The following CNKSR2 variants were observed in gnomAD, a reference collection of about 807,000 sequenced individuals.
CNKSR2 encodes the protein CNK homolog protein 2.
A neutral mutation model predicts 84.4 loss-of-function variants in CNKSR2; 14 were observed. The observed-to-expected ratio is 0.17, with a 90% confidence interval of 0.11 to 0.26. CNKSR2 has a LOEUF of 0.26. Ranked by LOEUF, CNKSR2 falls within the 10% of genes least tolerant of loss-of-function variation. The pLI is 1.00. For missense variants in CNKSR2, 485 were observed against 771.2 expected (o/e 0.63, Z 4.40); for synonymous variants, 275 against 277.9 (o/e 0.99, Z 0.10).
At chrX:21,424,064 T>G (rs976067051) in intron 1 of CNKSR2, 6 of 111,455 alleles carry the variant, frequency 5.4e-5, no homozygotes, top group African/African-American at 2.0e-4. Flanking sequence ...GCCTGTGAGT[T>G]ACTTACTGTG....
At chrX:21,612,413 C>T (rs760676109) in intron 20 of CNKSR2, among the ~76,000 whole-genome samples, 1 of 112,433 alleles carries the variant, frequency 8.9e-6, no homozygotes, top group African/African-American at 3.2e-5. Context: ...CAGTGTGTTA[C>T]TTACTGTCCT....
chrX:21,419,994 C>T (rs1338294714), intron 1 of CNKSR2, among the ~76,000 whole-genome samples: 1 of 112,548 alleles, frequency 8.9e-6, no homozygotes, highest in Non-Finnish European at 1.9e-5. Context: ...GCAATTTCCC[C>T]CAGGCCCTGG....
In CNKSR2 at chrX:21,573,317, G is replaced by A. The variant is rs1042969941; in HGVS notation, c.1608+9865G>A. Among the ~76,000 whole-genome samples, 5 of 112,013 alleles carry A rather than the reference G, an allele frequency of 4.5e-5. No homozygotes were observed. The East Asian group carries it at 8.5e-4, about 19-fold the overall frequency. On this transcript the variant is annotated intron_variant, in intron 13 of 21. Transcript: ENST00000379510. ...TTCCAGGAGCACAGTGCAAGCTGTT[G>A]GTAGATCTACCATTCTGGGGTCTGT...
intron 11 of CNKSR2, chrX:21,537,980 T>C (rs1316752819): frequency 9.0e-6 from 1 of 111,419 alleles, no homozygotes; most frequent in Non-Finnish European, 1.9e-5. Context: ...TCTGTAGTGA[T>C]AAGGTTTGAT....
chrX:21,427,787 A>G (rs930317260), intron 2 of CNKSR2: 2 of 112,662 alleles, frequency 1.8e-5, no homozygotes, highest in African/African-American at 6.4e-5. Context: ...AAGAAAGACA[A>G]TAGCCATCAG....
chrX:21,609,661 C>A, intron 20 of CNKSR2, 44 bp downstream of exon 20: 1 of 1,115,500 alleles, frequency 9.0e-7, no homozygotes, highest in Non-Finnish European at 1.2e-6. Flanking sequence ...ACACAAAGTC[C>A]TGACCTTTTC....
intron 2 of CNKSR2, 49 bp from the exon 3 acceptor site, chrX:21,432,563 A>G: frequency 1.1e-6 from 1 of 889,745 alleles, no homozygotes; most frequent in Non-Finnish European, 1.6e-6. Flanking sequence ...ATTTTCATGA[A>G]TGAATAAAAC....
chrX:21,630,330 G>A (rs2092642152), intron 20 of CNKSR2, among the ~76,000 whole-genome samples: 1 of 112,234 alleles, frequency 8.9e-6, no homozygotes, highest in South Asian at 3.7e-4. Flanking sequence ...CACCTATAGT[G>A]TGATGCAGTT....
chrX:21,487,203 C>T (rs1412783392), intron 5 of CNKSR2, among the ~76,000 whole-genome samples: 1 of 111,806 alleles, frequency 8.9e-6, no homozygotes, highest in East Asian at 2.8e-4. Flanking sequence ...AACAAAATTA[C>T]TCAAGAGGAA....
intron 5 of CNKSR2, among the ~76,000 whole-genome samples, chrX:21,481,358 C>G (rs1167889454): frequency 6.3e-5 from 7 of 111,543 alleles, no homozygotes. Flanking sequence ...CTGTAGATGA[C>G]CTCGAAATCT....
At chrX:21,625,309 T>C (rs372970769) in intron 20 of CNKSR2, among the ~76,000 whole-genome samples, 60 of 112,170 alleles carry the variant, frequency 5.3e-4, no homozygotes, top group African/African-American at 1.6e-3. Context: ...ATCATATTTA[T>C]TTTGCCTGAT....
intron 1 of CNKSR2, among the ~76,000 whole-genome samples, chrX:21,383,396 C>A (rs1261698959): frequency 8.9e-6 from 1 of 112,568 alleles, no homozygotes; most frequent in East Asian, 2.8e-4. Flanking sequence ...TTTTAGCTCT[C>A]TTTGTTCATC....
chrX:21,539,747 C>T (rs2091960688), intron 11 of CNKSR2, among the ~76,000 whole-genome samples: 1 of 110,842 alleles, frequency 9.0e-6, no homozygotes, highest in Non-Finnish European at 1.9e-5. Flanking sequence ...GTGTAATCTC[C>T]ATATGATATC....
At chrX:21,453,307 G>A (rs2147110093) in intron 4 of CNKSR2, among the ~76,000 whole-genome samples, 1 of 111,688 alleles carries the variant, frequency 9.0e-6, no homozygotes, top group African/African-American at 3.2e-5. Context: ...ATACATATAT[G>A]CAGAAACAAT....
intron 20 of CNKSR2, among the ~76,000 whole-genome samples, chrX:21,617,819 C>T (rs1394656755): frequency 9.1e-6 from 1 of 110,189 alleles, no homozygotes; most frequent in Non-Finnish European, 1.9e-5. Flanking sequence ...AGCAGTTGAC[C>T]TTTTCAAAAA....
chrX:21,383,869 TGTTA>T (rs1364629757), intron 1 of CNKSR2, among the ~76,000 whole-genome samples: 12 of 111,922 alleles, frequency 1.1e-4, no homozygotes, highest in African/African-American at 3.2e-4. Flanking sequence ...TCTAGTAACT[TGTTA>T]GTTATACTTA....
chrX:21,411,157 A>G (rs924403374), intron 1 of CNKSR2, among the ~76,000 whole-genome samples: 1 of 110,843 alleles, frequency 9.0e-6, no homozygotes, highest in African/African-American at 3.3e-5. Context: ...TTTTTTCTGG[A>G]ATTACCACTT....
intron 20 of CNKSR2, among the ~76,000 whole-genome samples, chrX:21,619,128 A>G (rs1424486091): frequency 8.9e-6 from 1 of 112,459 alleles, no homozygotes; most frequent in African/African-American, 3.2e-5. Context: ...TTAAAGAGCT[A>G]TTTCTGATTC....
chrX:21,582,491 G>A (rs2092359637), intron 13 of CNKSR2, among the ~76,000 whole-genome samples: 1 of 111,436 alleles, frequency 9.0e-6, no homozygotes, highest in African/African-American at 3.3e-5. Flanking sequence ...TTGGGAGGCA[G>A]TAATGCATGT....
Sources: allele counts gnomAD v4.1 joint callset (sites outside exome capture counted in the v4.1 genomes callset), GRCh38; gene constraint gnomAD v4.1.1; transcripts MANE v1.5; gene names NCBI Gene and HGNC (gene_info 2026-07-23, HGNC 2026-07-21).